SUMF1: variants seen among roughly 807,000 people sequenced by gnomAD.
The protein encoded by SUMF1 is formylglycine-generating enzyme.
In SUMF1, 48 loss-of-function variants were observed where a neutral mutation model predicts 47.6. The ratio of observed to expected loss-of-function variants is 1.01; its 90% CI spans 0.80 to 1.28. The LOEUF is 1.28. Among genes scored for constraint, SUMF1 ranks in the 50% most tolerant of loss-of-function variants. SUMF1 has a pLI of 0.00. For missense variants in SUMF1, 571 were observed against 485.4 expected, an observed-to-expected ratio of 1.18 and a Z score of -1.66; for synonymous variants, 230 against 192.1, an observed-to-expected ratio of 1.20 and a Z score of -1.63.
chr3:4,295,480 A>G (rs960021777), intron 8 of SUMF1, among the ~76,000 whole-genome samples: 1 of 151,986 alleles, frequency 6.6e-6, no homozygotes, highest in East Asian at 1.9e-4. Context: ...AGGAAGATCT[A>G]GTACTCTAGA....
chr3:4,225,690 GAGT>G (rs1696157796), intron 8 of SUMF1, among the ~76,000 whole-genome samples: 1 of 152,122 alleles, frequency 6.6e-6, no homozygotes, highest in Admixed American at 6.5e-5. Flanking sequence ...CATGAGCAGA[GAGT>G]AGAAGTCACC....
Position 4,417,203 on chromosome 3 carries a change from C to T in SUMF1, c.765G>A (p.Gln255=), listed in dbSNP as rs1701743866. ...CGCCCTGCCAAATGTTGGCATAATG[C>T]TGGCCTTTGGGCTGCAGTTTGTTGC... The part of the protein sequence containing the change: ...PWGNKLQPKG[Q]HYANIWQGEF... Residue 255 remains glutamine (Q), a synonymous_variant, in exon 6 of 9, where the codon CAG becomes CAA. Transcript: ENST00000272902. 2.5e-6 allele frequency: 4 copies of T among 1,613,918 alleles called. No homozygotes were observed. Among genetic ancestry groups the T allele is most frequent in the Admixed American group, 3.3e-5 (2 of 59,994 alleles).
At chr3:4,218,365 A>C (rs558302947) in intron 8 of SUMF1, among the ~76,000 whole-genome samples, 1 of 152,282 alleles carries the variant, frequency 6.6e-6, no homozygotes, top group South Asian at 2.1e-4. Context: ...GTGGTGGGGG[A>C]AAAGTTAAAT....
chr3:4,444,251 A>G (rs1007009339), intron 3 of SUMF1, among the ~76,000 whole-genome samples: 2 of 152,254 alleles, frequency 1.3e-5, no homozygotes, highest in Non-Finnish European at 2.9e-5. Flanking sequence ...GAGCACTAAC[A>G]AACTGTTATC....
At chr3:4,092,756 G>C (rs73129151) in intron 8 of SUMF1, among the ~76,000 whole-genome samples, 7,138 of 152,184 alleles carry the variant, frequency 0.047, 304 homozygotes, top group African/African-American at 0.11. Context: ...CACAATCCAA[G>C]TCTAGAGAGA....
At chr3:4,156,219 A>T (rs1449906783) in intron 8 of SUMF1, among the ~76,000 whole-genome samples, 1 of 151,526 alleles carries the variant, frequency 6.6e-6, no homozygotes, top group Non-Finnish European at 1.5e-5. Flanking sequence ...CAAATTTGAC[A>T]AATGAAAAAC....
At chr3:4,165,381 C>T (rs1206503483) in intron 8 of SUMF1, among the ~76,000 whole-genome samples, 1 of 151,882 alleles carries the variant, frequency 6.6e-6, no homozygotes, top group Non-Finnish European at 1.5e-5. Context: ...CAACCAATAG[C>T]CCAGGGATTT....
intron 3 of SUMF1, among the ~76,000 whole-genome samples, chr3:4,435,186 C>G (rs1421336396): frequency 1.3e-5 from 2 of 152,178 alleles, no homozygotes; most frequent in African/African-American, 2.4e-5. Context: ...CTCGGCCGCC[C>G]AAAGTGCTGG....
At chr3:4,382,976 G>A (rs914413854) in intron 7 of SUMF1, among the ~76,000 whole-genome samples, 6 of 152,040 alleles carry the variant, frequency 3.9e-5, no homozygotes, top group Non-Finnish European at 7.4e-5. Flanking sequence ...TGTAGGTGAC[G>A]GGTTGATGGG....
chr3:4,420,435 G>A (rs1190054513), intron 3 of SUMF1, among the ~76,000 whole-genome samples: 3 of 136,978 alleles, frequency 2.2e-5, no homozygotes, highest in East Asian at 4.3e-4. Context: ...TCGCTCTGTC[G>A]CCCAGGCTGG....
At chr3:4,206,917 T>C (rs1695666532) in intron 8 of SUMF1, among the ~76,000 whole-genome samples, 1 of 152,158 alleles carries the variant, frequency 6.6e-6, no homozygotes, top group African/African-American at 2.4e-5. Flanking sequence ...ATAATGATTA[T>C]GTTGAATCTA....
intron 8 of SUMF1, among the ~76,000 whole-genome samples, chr3:4,353,793 G>A (rs887715542): frequency 2.1e-4 from 32 of 152,114 alleles, no homozygotes; most frequent in Non-Finnish European, 7.4e-5. Context: ...ACAACAGGTT[G>A]TAGTGAGTTC....
intron 8 of SUMF1, among the ~76,000 whole-genome samples, chr3:4,112,146 A>T (rs1693322351): frequency 6.6e-6 from 1 of 152,146 alleles, no homozygotes; most frequent in Non-Finnish European, 1.5e-5. Flanking sequence ...ACTCTGTTGT[A>T]AATTCCAATA....
chr3:4,366,621 A>T (rs1699968006), intron 8 of SUMF1, among the ~76,000 whole-genome samples: 1 of 150,914 alleles, frequency 6.6e-6, no homozygotes, highest in Admixed American at 6.6e-5. Context: ...ATTCGTCTAA[A>T]TTTTTTTCAA....
At chr3:4,048,416 CAG>C (rs1695044912) in intron 9 of SUMF1, among the ~76,000 whole-genome samples, 1 of 152,162 alleles carries the variant, frequency 6.6e-6, no homozygotes, top group Non-Finnish European at 1.5e-5. Flanking sequence ...ATGCCTTGAG[CAG>C]AGTCTTATGG....
chr3:4,305,409 G>A (rs1376815845), intron 8 of SUMF1, among the ~76,000 whole-genome samples: 1 of 152,136 alleles, frequency 6.6e-6, no homozygotes, highest in African/African-American at 2.4e-5. Context: ...AGTTTTAATT[G>A]TGGGGAGGAG....
intron 8 of SUMF1, among the ~76,000 whole-genome samples, chr3:4,252,035 C>T (rs1431694661): frequency 6.6e-6 from 1 of 152,148 alleles, no homozygotes. Flanking sequence ...GAAACCAAAC[C>T]TGCAATATCT....
At chr3:4,349,927 C>T (rs909394256) in intron 8 of SUMF1, among the ~76,000 whole-genome samples, 4 of 149,234 alleles carry the variant, frequency 2.7e-5, no homozygotes, top group African/African-American at 7.4e-5. Context: ...CAAACCTGCA[C>T]GTTCTGTACA....
At chr3:4,464,558 C>A (rs749642579) in intron 1 of SUMF1, among the ~76,000 whole-genome samples, 23 of 152,036 alleles carry the variant, frequency 1.5e-4, no homozygotes, top group Non-Finnish European at 2.5e-4. Context: ...GCCAAATAAA[C>A]ATTTGTTTAA....
Sources: allele counts gnomAD v4.1 joint callset (sites outside exome capture counted in the v4.1 genomes callset), GRCh38; gene constraint gnomAD v4.1.1; transcripts MANE v1.5; gene names NCBI Gene and HGNC (gene_info 2026-07-23, HGNC 2026-07-21).